Variants in GRM1 observed in about 807,000 individuals in gnomAD.
GRM1 encodes glutamate metabotropic receptor 1.
In GRM1, 33 loss-of-function variants were observed where a neutral mutation model predicts 90.9. That is an observed-to-expected ratio of 0.36 (90% CI 0.28 to 0.49). GRM1 has a LOEUF of 0.49. GRM1 is among the 20% of genes least tolerant of loss of function. The pLI is 0.99. For synonymous variants in GRM1, 700 were observed against 613.2 expected (o/e 1.14, Z -2.09); for missense variants, 1,190 against 1,534.3 (o/e 0.78, Z 3.75).
chr6:146,219,804 A>G (rs188027474), intron 2 of GRM1, among the ~76,000 whole-genome samples: 56 of 152,254 alleles, frequency 3.7e-4, no homozygotes, highest in Non-Finnish European at 6.8e-4. Context: ...TCTTTGGGGA[A>G]GAATAAAGCT....
chr6:146,288,809 A>C (rs947524206), intron 2 of GRM1, among the ~76,000 whole-genome samples: 1 of 152,082 alleles, frequency 6.6e-6, no homozygotes, highest in African/African-American at 2.4e-5. Flanking sequence ...CGGGGCCAGA[A>C]CATTTTAGTC....
intron 2 of GRM1, among the ~76,000 whole-genome samples, chr6:146,183,640 G>A (rs1170504437): frequency 2.0e-5 from 3 of 152,200 alleles, no homozygotes; most frequent in South Asian, 4.2e-4. Context: ...CCTTTTCCAT[G>A]CCTTGTATTA....
rs143340803 is a variant in GRM1 at position 146,289,112 on chromosome 6, C to T, written c.951-15499C>T. Among the ~76,000 whole-genome samples the T allele has an allele frequency of 5.0e-3, 766 of 151,834 alleles. 9 individuals are homozygous for T. Among genetic ancestry groups the T allele is most frequent in the Admixed American group, 0.018 (278 of 15,264 alleles). ...TTTTGGAGTATCCTCCTTCTACATA[C>T]TAAAAAAAAAGGTTAAGTGTAAAAT... is the stretch of plus-strand genomic sequence containing the variant. On this transcript the variant is annotated intron_variant, in intron 2 of 7. Coordinates refer to ENST00000282753, the MANE Select transcript of GRM1 (RefSeq NM_001278064.2).
intron 5 of GRM1, among the ~76,000 whole-genome samples, chr6:146,361,403 G>T (rs74478201): frequency 4.6e-5 from 7 of 152,184 alleles, no homozygotes; most frequent in African/African-American, 1.7e-4. Context: ...ACAGTGTTAT[G>T]CAAGCAAACA....
At chr6:146,234,972 G>A (rs1314638943) in intron 2 of GRM1, among the ~76,000 whole-genome samples, 1 of 152,110 alleles carries the variant, frequency 6.6e-6, no homozygotes. Context: ...TTGAGCTCAG[G>A]CAATCTTCCT....
At chr6:146,205,407 T>C (rs1779461806) in intron 2 of GRM1, among the ~76,000 whole-genome samples, 1 of 152,250 alleles carries the variant, frequency 6.6e-6, no homozygotes, top group Admixed American at 6.5e-5. Flanking sequence ...TCAGCATGTA[T>C]GTTTCAGATG....
chr6:146,095,241 T>C (rs1312748718), intron 1 of GRM1, among the ~76,000 whole-genome samples: 2 of 152,130 alleles, frequency 1.3e-5, no homozygotes, highest in Non-Finnish European at 2.9e-5. Context: ...CAGGCCCCAC[T>C]TCTTCTGATA....
chr6:146,185,677 T>A (rs1778707700), intron 2 of GRM1, among the ~76,000 whole-genome samples: 1 of 152,214 alleles, frequency 6.6e-6, no homozygotes, highest in Non-Finnish European at 1.5e-5. Context: ...TAAAATTCTC[T>A]GAAAACTTTG....
intron 7 of GRM1, among the ~76,000 whole-genome samples, chr6:146,425,796 G>C (rs909168687): frequency 2.6e-5 from 4 of 151,038 alleles, no homozygotes; most frequent in Admixed American, 2.6e-4. Context: ...ACCTTCTGCA[G>C]TGCTAGCTGA....
intron 3 of GRM1, among the ~76,000 whole-genome samples, chr6:146,350,050 C>T (rs187447647): frequency 6.6e-6 from 1 of 152,250 alleles, no homozygotes; most frequent in Non-Finnish European, 1.5e-5. Context: ...AAAAAAACGA[C>T]CCAAGTCATA....
At chr6:146,291,576 G>T (rs776054664) in intron 2 of GRM1, among the ~76,000 whole-genome samples, 1 of 151,500 alleles carries the variant, frequency 6.6e-6, no homozygotes, top group Non-Finnish European at 1.5e-5. Flanking sequence ...CTTCTTAAAC[G>T]TAACCATGAG....
chr6:146,060,411 C>T (rs1195766699), intron 1 of GRM1, among the ~76,000 whole-genome samples: 1 of 152,080 alleles, frequency 6.6e-6, no homozygotes, highest in East Asian at 1.9e-4. Context: ...ACTCTCCACC[C>T]TCAAGTAGGC....
intron 7 of GRM1, among the ~76,000 whole-genome samples, chr6:146,402,341 G>C (rs1777187287): frequency 6.6e-6 from 1 of 152,064 alleles, no homozygotes; most frequent in Admixed American, 6.6e-5. Context: ...CATTTGTTCT[G>C]CTGTTGCTCC....
chr6:146,302,983 A>G (rs1288742016), intron 2 of GRM1, among the ~76,000 whole-genome samples: 3 of 152,188 alleles, frequency 2.0e-5, no homozygotes, highest in Admixed American at 6.5e-5. Context: ...GGAAGCATAT[A>G]AAAAATACAT....
At chr6:146,140,142 C>CTTTCTTTCTTTCTTTCT (rs1562488256) in intron 1 of GRM1, among the ~76,000 whole-genome samples, 2 of 29,084 alleles carry the variant, frequency 6.9e-5, no homozygotes, top group Non-Finnish European at 1.5e-4. Context: ...TCTTTCTTTC[C>CTTTCTTTCTTTCTTTCT]TTCCTTCCTT....
At chr6:146,408,251 T>C (rs1057329308) in intron 7 of GRM1, among the ~76,000 whole-genome samples, 1 of 152,206 alleles carries the variant, frequency 6.6e-6, no homozygotes, top group African/African-American at 2.4e-5. Flanking sequence ...CCAAAGGCCC[T>C]ACCTCTTCAT....
intron 2 of GRM1, among the ~76,000 whole-genome samples, chr6:146,250,732 A>G (rs2114761946): frequency 6.6e-6 from 1 of 152,322 alleles, no homozygotes; most frequent in South Asian, 2.1e-4. Context: ...TGAAGCCAGG[A>G]TTGGACCCAG....
chr6:146,037,516 C>T (rs868755214), intron 1 of GRM1, among the ~76,000 whole-genome samples: 3 of 151,940 alleles, frequency 2.0e-5, no homozygotes, highest in African/African-American at 4.8e-5. Flanking sequence ...CCCTCATGCA[C>T]GCCTCTCATG....
At chr6:146,092,858 C>T (rs541656650) in intron 1 of GRM1, among the ~76,000 whole-genome samples, 7 of 152,202 alleles carry the variant, frequency 4.6e-5, no homozygotes, top group South Asian at 2.1e-4. Context: ...TTATTGATTT[C>T]GCCAAATTGA....
Sources: gnomAD v4.1 joint callset for allele counts (sites outside exome capture counted in the v4.1 genomes callset) on GRCh38, gnomAD v4.1.1 for gene constraint, MANE v1.5 for transcripts, NCBI Gene and HGNC (gene_info 2026-07-23, HGNC 2026-07-21) for gene names.